The following RAB39A variants were observed in gnomAD, a reference collection of about 807,000 sequenced individuals.
The protein encoded by RAB39A is RAB39A, member RAS oncogene family.
RAB39A carries 17 observed loss-of-function variants against 20.9 expected under a neutral mutation model. The observed-to-expected ratio is 0.81, with a 90% CI of 0.56 to 1.22. The LOEUF (loss-of-function observed/expected upper bound fraction) is 1.22, where lower values mean the gene tolerates loss of function less well. Ranked by LOEUF, RAB39A falls within the 50% of genes most tolerant of loss-of-function variation. The probability of loss-of-function intolerance (pLI) is 0.00; values close to 1 mark genes in which losing one functional copy is unlikely to be tolerated. For synonymous variants in RAB39A, 99 were observed against 103.4 expected, an observed-to-expected ratio of 0.96 and a Z score of 0.26; for missense variants, 234 against 270.5, an observed-to-expected ratio of 0.87 and a Z score of 0.95.
At chr11:107,953,183 T>C (rs1442459292) in intron 1 of RAB39A, among the ~76,000 whole-genome samples, 1 of 148,264 alleles carries the variant, frequency 6.7e-6, no homozygotes, top group Non-Finnish European at 1.5e-5. Context: ...TATGTGTGCT[T>C]CACTGCAGTT....
intron 1 of RAB39A, among the ~76,000 whole-genome samples, chr11:107,951,247 G>A (rs1322282934): frequency 6.6e-6 from 1 of 152,192 alleles, no homozygotes; most frequent in Admixed American, 6.5e-5. Context: ...TTAGCCTCTT[G>A]AAAACAGTGC....
chr11:107,959,049 G>A (rs545458854), intron 1 of RAB39A, among the ~76,000 whole-genome samples: 1 of 152,040 alleles, frequency 6.6e-6, no homozygotes, highest in South Asian at 2.1e-4. Flanking sequence ...GAACCTAGGA[G>A]GCAGAGGTTG....
chr11:107,952,755 T>G (rs1861394517), intron 1 of RAB39A, among the ~76,000 whole-genome samples: 1 of 152,068 alleles, frequency 6.6e-6, no homozygotes. Context: ...TGGTGGCACA[T>G]GCCTGTAGTC....
chr11:107,928,490 A>C lies in RAB39A; in HGVS notation c.-79A>C. On this transcript the variant is annotated 5_prime_UTR_variant, in exon 1 of 2. Coordinates refer to ENST00000320578, the MANE Select transcript of RAB39A (RefSeq NM_017516.3). This position sits in a 1 kb window ranked among gnomAD's most constrained non-coding sequence, Gnocchi z 4.9. ...GGAAGGCGGCGGGCGGGCGCCCGCG[A>C]GGTGCTGAAAGGACAGTTCCCGCCG... The C allele has an allele frequency of 9.1e-7, 1 of 1,096,912 alleles. No individual in the cohort carries two copies. The highest frequency in any genetic ancestry group is 3.6e-5 in the Admixed American group (1 of 27,776). The allele number at this position is 1,096,912 out of a possible 1,614,324, so 67.9% of individuals were successfully genotyped here.
At chr11:107,948,853 CTTAGG>C (rs1861345304) in intron 1 of RAB39A, among the ~76,000 whole-genome samples, 1 of 152,162 alleles carries the variant, frequency 6.6e-6, no homozygotes, top group Non-Finnish European at 1.5e-5. Flanking sequence ...TTTCTTAGCA[CTTAGG>C]TTACTCTGAC....
chr11:107,932,417 T>G (rs61906947), intron 1 of RAB39A, among the ~76,000 whole-genome samples: 1 of 152,090 alleles, frequency 6.6e-6, no homozygotes, highest in African/African-American at 2.4e-5. Context: ...GTTTCCTTCT[T>G]CCTTAATTTT....
chr11:107,933,377 CTTT>C (rs71047649), intron 1 of RAB39A, among the ~76,000 whole-genome samples: 1,565 of 73,020 alleles, frequency 0.021, 31 homozygotes, highest in African/African-American at 0.093. Context: ...TTTATTCTTT[CTTT>C]TTTTTTTTTT....
chr11:107,962,039 G>T lies in RAB39A; in HGVS notation c.321G>T (p.Trp107Cys). 1 of 1,614,056 alleles carries T rather than the reference G, an allele frequency of 6.2e-7. No homozygotes were observed. Among genetic ancestry groups the T allele is most frequent in the Non-Finnish European group, 8.5e-7 (1 of 1,179,978 alleles). ...NRRSFEHVKD[W>C]LEEAKMYVQP... is the part of the protein sequence containing the mutation. ...GATCTTTTGAACATGTGAAAGATTG[G>T]CTAGAAGAAGCAAAAATGTATGTAC... The change falls in exon 2 of 2, where the codon TGG becomes TGT. Residue 107 changes from tryptophan (W) to cysteine (C), a missense_variant. By Grantham distance (215) the Trp-to-Cys change is radical. Transcript: ENST00000320578.
Position 107,941,560 on chromosome 11 carries a change from T to C in RAB39A, c.227+12765T>C, listed in dbSNP as rs116629910. On this transcript the variant is annotated intron_variant, in intron 1 of 1. Transcript: ENST00000320578. ...TGTCCCCTCATTCAAAATTAAAAGA[T>C]TTATCTTCTTGCCTGACCTCTAGTC... is the stretch of plus-strand genomic sequence containing the variant. Among the ~76,000 whole-genome samples the C allele has an allele frequency of 3.9e-3, 594 of 152,270 alleles. 4 individuals are homozygous for C. The highest frequency in any genetic ancestry group is 0.014 in the African/African-American group (567 of 41,556).
At chr11:107,929,664 A>G (rs1050949972) in intron 1 of RAB39A, among the ~76,000 whole-genome samples, 3 of 152,214 alleles carry the variant, frequency 2.0e-5, no homozygotes, top group African/African-American at 7.2e-5. Flanking sequence ...CCAAATGAAT[A>G]GTCTCCTCCT....
chr11:107,930,645 C>G (rs974682405), intron 1 of RAB39A, among the ~76,000 whole-genome samples: 1 of 152,042 alleles, frequency 6.6e-6, no homozygotes, highest in African/African-American at 2.4e-5. Flanking sequence ...ATCACAAGGT[C>G]AAGAGTTCAA....
chr11:107,951,521 C>CT (rs1431775170), intron 1 of RAB39A, among the ~76,000 whole-genome samples: 6 of 151,764 alleles, frequency 4.0e-5, no homozygotes, highest in Non-Finnish European at 5.9e-5. Context: ...TCAGCAAGTG[C>CT]TTACTATTTT....
At chr11:107,937,489 A>G (rs1432156145) in intron 1 of RAB39A, among the ~76,000 whole-genome samples, 1 of 152,130 alleles carries the variant, frequency 6.6e-6, no homozygotes, top group Non-Finnish European at 1.5e-5. Flanking sequence ...ATTTCATGAA[A>G]GCAAAAGCTC....
intron 1 of RAB39A, among the ~76,000 whole-genome samples, chr11:107,932,148 C>A (rs1409132125): frequency 6.6e-6 from 1 of 152,110 alleles, no homozygotes. Flanking sequence ...CAAGCCTGAA[C>A]CACTGCGCCA....
In RAB39A at chr11:107,928,689, T is replaced by C; in HGVS notation, c.121T>C (p.Cys41Arg). ...CTTCCCCGGGCTGCGCTCCCCCGCC[T>C]GCGACCCCACCGTCGGCGTGGACTT... is the stretch of plus-strand genomic sequence containing the variant. ...GRFPGLRSPA[C>R]DPTVGVDFFS... Residue 41 changes from cysteine (C) to arginine (R), a missense_variant, in exon 1 of 2, where the codon TGC (cysteine) becomes CGC (arginine). Cys to Arg is a radical substitution (Grantham distance 180, BLOSUM62 -3). Coordinates refer to ENST00000320578, the MANE Select transcript of RAB39A (RefSeq NM_017516.3). This position sits in a 1 kb window ranked among gnomAD's most constrained non-coding sequence, Gnocchi z 4.9. 1 of 1,611,902 alleles carries C rather than the reference T, an allele frequency of 6.2e-7. No individual in the cohort carries two copies. The highest frequency in any genetic ancestry group is 8.5e-7 in the Non-Finnish European group (1 of 1,178,906).
chr11:107,938,165 C>T (rs1861216581), intron 1 of RAB39A, among the ~76,000 whole-genome samples: 1 of 151,722 alleles, frequency 6.6e-6, no homozygotes, highest in South Asian at 2.1e-4. Flanking sequence ...GAGTTCGAGG[C>T]CAGCCTGGCC....
At chr11:107,934,686 G>A (rs1313341524) in intron 1 of RAB39A, among the ~76,000 whole-genome samples, 2 of 152,134 alleles carry the variant, frequency 1.3e-5, no homozygotes, top group Non-Finnish European at 1.5e-5. Context: ...CAGCACTTTG[G>A]GAGGCCAAGG....
intron 1 of RAB39A, among the ~76,000 whole-genome samples, chr11:107,954,786 G>A (rs558684628): frequency 8.5e-5 from 13 of 152,092 alleles, no homozygotes; most frequent in South Asian, 8.3e-4. Flanking sequence ...AGGTCCCACC[G>A]CATATTCCTT....
rs753697995 is a variant in RAB39A at position 107,962,014 on chromosome 11, G to C, written c.296G>C (p.Arg99Pro). The C allele has an allele frequency of 1.9e-6, 3 of 1,613,772 alleles. No homozygotes were observed. Among genetic ancestry groups the C allele is most frequent in the Middle Eastern group, 1.7e-4 (1 of 6,060 alleles). ...TTAGTATTTGACATTACTAACCGAC[G>C]ATCTTTTGAACATGTGAAAGATTGG... ...GFLVFDITNR[R>P]SFEHVKDWLE... The change falls in exon 2 of 2, where the codon CGA becomes CCA. Residue 99 changes from arginine to proline, a missense_variant. Physicochemically the swap from Arg to Pro is moderately radical, Grantham distance 103. Coordinates refer to ENST00000320578, the MANE Select transcript of RAB39A (RefSeq NM_017516.3).
Sources: allele counts gnomAD v4.1 joint callset (sites outside exome capture counted in the v4.1 genomes callset), GRCh38; gene constraint gnomAD v4.1.1; non-coding constraint Gnocchi (gnomAD v3.1); transcripts MANE v1.5; gene names NCBI Gene and HGNC (gene_info 2026-07-23, HGNC 2026-07-21).